The following TMEM236 variants were observed in gnomAD, a reference collection of about 807,000 sequenced individuals.
The protein encoded by TMEM236 is transmembrane protein 236, also known as family with sequence similarity 23, member A.
TMEM236 carries 11 observed loss-of-function variants against 14.7 expected under a neutral mutation model. The observed-to-expected ratio is 0.75, with a 90% CI of 0.47 to 1.24. The LOEUF (loss-of-function observed/expected upper bound fraction) is 1.24, where lower values mean the gene tolerates loss of function less well. Among genes scored for constraint, TMEM236 ranks in the 50% most tolerant of loss-of-function variants. The pLI, the probability that TMEM236 is intolerant of heterozygous loss-of-function variation, is 0.00. For missense variants in TMEM236, 464 were observed against 427.3 expected (o/e 1.09, Z -0.76); for synonymous variants, 182 against 168.6 (o/e 1.08, Z -0.62).
chr10:17,770,474 C>T (rs1469029799), intron 1 of TMEM236, among the ~76,000 whole-genome samples: 1 of 152,138 alleles, frequency 6.6e-6, no homozygotes, highest in South Asian at 2.1e-4. Context: ...AGCTCTGCCT[C>T]CCGGGTTCAC....
chr10:17,755,936 G>A (rs1188904877), intron 1 of TMEM236, among the ~76,000 whole-genome samples: 1 of 152,138 alleles, frequency 6.6e-6, no homozygotes. Flanking sequence ...CACTGATTAT[G>A]TGCCATGTAA....
intron 3 of TMEM236, among the ~76,000 whole-genome samples, chr10:17,785,412 A>G (rs1837818246): frequency 6.6e-6 from 1 of 152,210 alleles, no homozygotes; most frequent in South Asian, 2.1e-4. Flanking sequence ...ATAAATATCA[A>G]GTTAAAAGCA....
At chr10:17,754,038 A>G (rs1837247537) in intron 1 of TMEM236, among the ~76,000 whole-genome samples, 1 of 152,224 alleles carries the variant, frequency 6.6e-6, no homozygotes, top group Admixed American at 6.5e-5. Flanking sequence ...ACTGAGTGAT[A>G]ATAACACATG....
chr10:17,781,536 A>G (rs1454664018), intron 3 of TMEM236, among the ~76,000 whole-genome samples: 1 of 152,116 alleles, frequency 6.6e-6, no homozygotes, highest in Non-Finnish European at 1.5e-5. Flanking sequence ...ACCTGAGGTC[A>G]GGAGTTTGAG....
intron 1 of TMEM236, among the ~76,000 whole-genome samples, chr10:17,762,710 C>T (rs1436837717): frequency 1.3e-5 from 2 of 148,984 alleles, no homozygotes; most frequent in Non-Finnish European, 3.0e-5. Context: ...CTCTGTCACC[C>T]GGGTTGGAGT....
intron 3 of TMEM236, among the ~76,000 whole-genome samples, chr10:17,787,151 C>A (rs1010598934): frequency 2.0e-5 from 3 of 152,206 alleles, no homozygotes; most frequent in Non-Finnish European, 2.9e-5. Context: ...TGACCCCTGA[C>A]GCTACTGGTG....
chr10:17,763,386 T>C (rs1486034810), intron 1 of TMEM236, among the ~76,000 whole-genome samples: 6 of 151,924 alleles, frequency 3.9e-5, no homozygotes, highest in African/African-American at 1.4e-4. Flanking sequence ...AGGCCAGGAG[T>C]TTGAAACCAG....
intron 2 of TMEM236, among the ~76,000 whole-genome samples, chr10:17,773,363 T>A (rs1330983121): frequency 1.3e-5 from 2 of 152,170 alleles, no homozygotes; most frequent in African/African-American, 4.8e-5. Context: ...AGACAGAGTC[T>A]TTCTCTGTTG....
chr10:17,771,878 G>C (rs1837578681), intron 2 of TMEM236, among the ~76,000 whole-genome samples: 1 of 151,606 alleles, frequency 6.6e-6, no homozygotes, highest in Non-Finnish European at 1.5e-5. Context: ...AAACCAGCAG[G>C]GCAGGAATAT....
chr10:17,756,997 G>A (rs1837293520), intron 1 of TMEM236, among the ~76,000 whole-genome samples: 1 of 152,142 alleles, frequency 6.6e-6, no homozygotes, highest in Non-Finnish European at 1.5e-5. Flanking sequence ...CCAGTCTTTA[G>A]TTTCTGTTTT....
rs1043710098 is a variant in TMEM236, at chr10:17,779,819, T to G, written c.472+3649T>G. ...CTGCTTTGCACTCAGCTTTTCACTC[T>G]CACGTGCAAACCCCTCAGCATGCTA... On this transcript the variant is annotated intron_variant, in intron 3 of 3. Coordinates refer to ENST00000377495, the MANE Select transcript of TMEM236 (RefSeq NM_001098844.3). 3.3e-5 allele frequency among the ~76,000 whole-genome samples: 5 copies of G among 152,282 alleles called. 1 individual carries two copies. Among genetic ancestry groups the G allele is most frequent in the African/African-American group, 1.2e-4 (5 of 41,560 alleles).
Position 17,796,548 on chromosome 10 carries a change from G to A in TMEM236, c.*44G>A. ...TAAGGCCTCTTTGTGATACCTGTGT[G>A]CACATTTGTAATCCTTCTTTTTTTC... is the stretch of plus-strand genomic sequence containing the variant. On this transcript the variant is annotated 3_prime_UTR_variant, in exon 4 of 4. Transcript: ENST00000377495. 5 of 1,486,560 alleles carry A rather than the reference G, an allele frequency of 3.4e-6. No homozygotes were observed. In the South Asian group the frequency reaches 5.7e-5, roughly 17 times the overall value. 92.1% of individuals were successfully genotyped at this position (1,486,560 alleles called of 1,614,324 possible). A position where few individuals can be genotyped will look rare whatever the true frequency, so the allele number is the denominator to read the frequency against.
At chr10:17,787,810 G>C (rs1258797416) in intron 3 of TMEM236, among the ~76,000 whole-genome samples, 2 of 152,126 alleles carry the variant, frequency 1.3e-5, no homozygotes, top group African/African-American at 4.8e-5. Flanking sequence ...AGGTTCTTAA[G>C]AATGCAATGA....
rs1218429890 is a variant in TMEM236 at position 17,781,459 on chromosome 10, C to T, written c.472+5289C>T. Among the ~76,000 whole-genome samples the T allele has an allele frequency of 5.9e-5, 9 of 152,124 alleles. No homozygotes were observed. In the East Asian group the frequency reaches 1.7e-3, roughly 29 times the overall value. On this transcript the variant is annotated intron_variant, in intron 3 of 3. Coordinates refer to ENST00000377495, the MANE Select transcript of TMEM236 (RefSeq NM_001098844.3). Reference sequence around the variant, plus strand: ...GAGTGACTAAAAATTTGCATGCAGCCCGGCGTGGTGGCTCACGCCTGTAAT... The same window carrying T: ...GAGTGACTAAAAATTTGCATGCAGCTCGGCGTGGTGGCTCACGCCTGTAAT...
At chr10:17,753,580 G>A (rs1837240407) in intron 1 of TMEM236, among the ~76,000 whole-genome samples, 1 of 152,132 alleles carries the variant, frequency 6.6e-6, no homozygotes, top group African/African-American at 2.4e-5. Context: ...ACATGATCTT[G>A]TTCTTTTTCA....
At chr10:17,769,332 C>T (rs935048953) in intron 1 of TMEM236, among the ~76,000 whole-genome samples, 6 of 152,114 alleles carry the variant, frequency 3.9e-5, no homozygotes, top group Admixed American at 1.3e-4. Context: ...GGTTCTGTTT[C>T]GGACATGGTA....
Position 17,796,582 on chromosome 10 carries a change from T to A in TMEM236, c.*78T>A. On this transcript the variant is annotated 3_prime_UTR_variant, in exon 4 of 4. Transcript: ENST00000377495. ...TAATCCTTCTTTTTTTCTTGGGGCG[T>A]AGGTGTTTGCACTATAAAGGAAATG... The A allele has an allele frequency of 7.7e-7, 1 of 1,302,480 alleles. No individual in the cohort carries two copies. Among genetic ancestry groups the A allele is most frequent in the Non-Finnish European group, 1.1e-6 (1 of 903,590 alleles). The allele number at this position is 1,302,480 out of a possible 1,614,324, so 80.7% of individuals were successfully genotyped here. A position where few individuals can be genotyped will look rare whatever the true frequency, so the allele number is the denominator to read the frequency against.
chr10:17,775,668 A>G (rs1466202568), intron 2 of TMEM236, among the ~76,000 whole-genome samples: 18 of 152,220 alleles, frequency 1.2e-4, no homozygotes, highest in Admixed American at 1.1e-3. Flanking sequence ...GGAAGACTCT[A>G]AATGTTCATA....
At chr10:17,766,865 G>T (rs1196870597) in intron 1 of TMEM236, among the ~76,000 whole-genome samples, 1 of 150,788 alleles carries the variant, frequency 6.6e-6, no homozygotes, top group Non-Finnish European at 1.5e-5. Context: ...GTTTTTTTTT[G>T]GCAATCTTTG....
Sources: gnomAD v4.1 joint callset for allele counts (sites outside exome capture counted in the v4.1 genomes callset) on GRCh38, gnomAD v4.1.1 for gene constraint, MANE v1.5 for transcripts, NCBI Gene and HGNC (gene_info 2026-07-23, HGNC 2026-07-21) for gene names.